The following JAM3 variants were observed in gnomAD, a reference collection of about 807,000 sequenced individuals.
JAM3 encodes junctional adhesion molecule C.
Under a neutral mutation model 39.4 loss-of-function variants are expected in JAM3, and 31 were observed. The observed-to-expected ratio is 0.79, with a 90% CI of 0.59 to 1.06. The LOEUF (loss-of-function observed/expected upper bound fraction) is 1.06. JAM3 is among the 50% of genes least tolerant of loss of function. JAM3 has a pLI of 0.00. For missense variants in JAM3, 455 were observed against 391.4 expected, an observed-to-expected ratio of 1.16 and a Z score of -1.37; for synonymous variants, 182 against 148.7, an observed-to-expected ratio of 1.22 and a Z score of -1.63.
At chr11:134,077,648 G>T (rs1372186141) in intron 1 of JAM3, among the ~76,000 whole-genome samples, 17 of 131,424 alleles carry the variant, frequency 1.3e-4, no homozygotes, top group African/African-American at 5.2e-4. Flanking sequence ...CGTGGCTGGC[G>T]CCTTTTTTTT....
At chr11:134,128,362 C>A (rs773926761) in intron 1 of JAM3, among the ~76,000 whole-genome samples, 5 of 152,198 alleles carry the variant, frequency 3.3e-5, no homozygotes, top group Non-Finnish European at 7.3e-5. Context: ...TACTTAACAG[C>A]CTTTGTCAAC....
intron 1 of JAM3, among the ~76,000 whole-genome samples, chr11:134,079,844 A>G (rs1328899044): frequency 2.0e-5 from 3 of 152,202 alleles, no homozygotes; most frequent in African/African-American, 7.2e-5. Context: ...AAGGTTTTGA[A>G]AATGTAGTCA....
In JAM3 at chr11:134,149,474, G is replaced by A. The variant is rs934728199; in HGVS notation, c.*293G>A. ...GCCTGATTCCCGCATGAGTATTAGG[G>A]TGATCTTAAAGAGTTTGCTCACGTA... is the stretch of plus-strand genomic sequence containing the variant. On this transcript the variant is annotated 3_prime_UTR_variant, in exon 9 of 9. Transcript: ENST00000299106. 1.8e-6 allele frequency: 1 copy of A among 556,238 alleles called. No homozygotes were observed. Among genetic ancestry groups the A allele is most frequent in the Non-Finnish European group, 3.3e-6 (1 of 306,422 alleles). The allele number at this position is 556,238 out of a possible 1,614,324, so 34.5% of individuals were successfully genotyped here.
chr11:134,143,834 G>C (rs917458326), intron 3 of JAM3, among the ~76,000 whole-genome samples: 3 of 152,144 alleles, frequency 2.0e-5, no homozygotes, highest in African/African-American at 7.2e-5. Context: ...GTTGTATATG[G>C]AGTGAGAGAG....
chr11:134,147,198 A>T (rs1254848524), intron 6 of JAM3, among the ~76,000 whole-genome samples: 1 of 152,024 alleles, frequency 6.6e-6, no homozygotes, highest in Non-Finnish European at 1.5e-5. Context: ...CTCACACTAT[A>T]ATCCTAGCAC....
intron 1 of JAM3, among the ~76,000 whole-genome samples, chr11:134,095,948 T>G (rs1941974442): frequency 6.6e-6 from 1 of 152,174 alleles, no homozygotes; most frequent in South Asian, 2.1e-4. Context: ...CAAATGTTGA[T>G]GTACATGATG....
At chr11:134,143,376 C>T (rs1027358989) in intron 3 of JAM3, among the ~76,000 whole-genome samples, 2 of 152,114 alleles carry the variant, frequency 1.3e-5, no homozygotes, top group African/African-American at 2.4e-5. Flanking sequence ...GGAGAAATGT[C>T]TGTTCAAATT....
chr11:134,128,172 C>T (rs769808537), intron 1 of JAM3, among the ~76,000 whole-genome samples: 1 of 152,194 alleles, frequency 6.6e-6, no homozygotes, highest in Non-Finnish European at 1.5e-5. Context: ...CTTGAGAACA[C>T]AACAGCCTGA....
chr11:134,144,834 CA>C lies in JAM3; in HGVS notation c.453del (p.Val152Ter). On this transcript the variant is annotated frameshift_variant, in exon 5 of 9. Transcript: ENST00000299106. LOFTEE classifies it high-confidence loss of function. ...GTCTGTAGAGTGCCGAAGGCTGTAC[CA>C]GTAGGCAAGATGGCAACACTGCACT... is the stretch of plus-strand genomic sequence containing the variant. ...TPVCRVPKAV[P>X]VGKMATLHCQ... is the part of the protein sequence containing the mutation. 6.2e-7 allele frequency: 1 copy of C among 1,614,220 alleles called. No homozygotes were observed. Among genetic ancestry groups the C allele is most frequent in the Non-Finnish European group, 8.5e-7 (1 of 1,180,046 alleles).
At chr11:134,143,971 G>A (rs140350277) in intron 3 of JAM3, among the ~76,000 whole-genome samples, 16 of 152,280 alleles carry the variant, frequency 1.1e-4, no homozygotes, top group African/African-American at 3.8e-4. Context: ...TGAGGAGGAG[G>A]AGGTGAAGTT....
At chr11:134,113,247 G>A (rs943207819) in intron 1 of JAM3, among the ~76,000 whole-genome samples, 2 of 151,538 alleles carry the variant, frequency 1.3e-5, no homozygotes, top group Non-Finnish European at 2.9e-5. Flanking sequence ...CAACGTGCAG[G>A]TTTGTTACAT....
chr11:134,141,576 T>G (rs1942973054), intron 3 of JAM3, among the ~76,000 whole-genome samples: 1 of 151,976 alleles, frequency 6.6e-6, no homozygotes, highest in Admixed American at 6.5e-5. Flanking sequence ...TGGCTGCATC[T>G]ATGTTTCAGA....
At chr11:134,085,870 C>T (rs1941739587) in intron 1 of JAM3, among the ~76,000 whole-genome samples, 1 of 152,118 alleles carries the variant, frequency 6.6e-6, no homozygotes, top group South Asian at 2.1e-4. Flanking sequence ...GGGGCAGGTA[C>T]TTCACTAGCT....
chr11:134,101,766 A>G (rs1428403940), intron 1 of JAM3, among the ~76,000 whole-genome samples: 2 of 152,130 alleles, frequency 1.3e-5, no homozygotes, highest in African/African-American at 4.8e-5. Context: ...CCAGGAATTT[A>G]TAAGTCCTTT....
At chr11:134,120,718 A>G (rs1427545659) in intron 1 of JAM3, among the ~76,000 whole-genome samples, 2 of 152,154 alleles carry the variant, frequency 1.3e-5, no homozygotes, top group African/African-American at 4.8e-5. Context: ...CTGGGAGTTC[A>G]GTTTTTCATG....
intron 1 of JAM3, among the ~76,000 whole-genome samples, chr11:134,085,846 G>A (rs1444362398): frequency 6.6e-6 from 1 of 152,164 alleles, no homozygotes; most frequent in Non-Finnish European, 1.5e-5. Flanking sequence ...TTCTTTAGTT[G>A]TGGGTTTGGG....
Position 134,129,702 on chromosome 11 carries a change from T to C in JAM3, c.77-10149T>C, listed in dbSNP as rs150733756. ...AGAAAAATTGGAGTATGCAAAATCA[T>C]ATTAAAAGTCACTAAGAGGCCAGGC... On this transcript the variant is annotated intron_variant, in intron 1 of 8. Coordinates refer to ENST00000299106, the MANE Select transcript of JAM3 (RefSeq NM_032801.5). 3.9e-3 allele frequency among the ~76,000 whole-genome samples: 597 copies of C among 152,270 alleles called. 7 individuals are homozygous for C. The highest frequency in any genetic ancestry group is 0.014 in the African/African-American group (563 of 41,560).
At chr11:134,121,821 G>GCGCACA (rs369702081) in intron 1 of JAM3, among the ~76,000 whole-genome samples, 19,691 of 148,322 alleles carry the variant, frequency 0.13, 1,311 homozygotes, top group Middle Eastern at 0.19. Context: ...GCATGTGTGC[G>GCGCACA]CACACACACA....
intron 1 of JAM3, among the ~76,000 whole-genome samples, chr11:134,125,843 G>A (rs1390574978): frequency 6.6e-6 from 1 of 152,190 alleles, no homozygotes; most frequent in East Asian, 1.9e-4. Context: ...CTCTACATTA[G>A]ACATCAGTCC....
Sources: allele counts gnomAD v4.1 joint callset (sites outside exome capture counted in the v4.1 genomes callset), GRCh38; gene constraint gnomAD v4.1.1; transcripts MANE v1.5; gene names NCBI Gene and HGNC (gene_info 2026-07-23, HGNC 2026-07-21).